Variants in PTPRG observed in about 807,000 individuals in gnomAD.
PTPRG encodes protein tyrosine phosphatase receptor type G.
A neutral mutation model predicts 165.3 loss-of-function variants in PTPRG; 102 were observed. The observed-to-expected ratio is 0.62, with a 90% CI of 0.53 to 0.73. PTPRG has a LOEUF of 0.73. Among genes scored for constraint, PTPRG ranks in the 30% least tolerant of loss-of-function variants. The pLI is 0.00. For synonymous variants in PTPRG, 675 were observed against 669.5 expected, an observed-to-expected ratio of 1.01 and a Z score of -0.13; for missense variants, 1,866 against 1,861.4, an observed-to-expected ratio of 1.00 and a Z score of -0.05.
intron 6 of PTPRG, among the ~76,000 whole-genome samples, chr3:62,156,523 G>C (rs1227188442): frequency 6.6e-6 from 1 of 152,190 alleles, no homozygotes; most frequent in African/African-American, 2.4e-5. Flanking sequence ...TCGATTTGGA[G>C]AGGACTTGGG....
chr3:61,686,759 G>A (rs1478000607), intron 1 of PTPRG, among the ~76,000 whole-genome samples: 1 of 152,196 alleles, frequency 6.6e-6, no homozygotes, highest in Non-Finnish European at 1.5e-5. Context: ...ATGTTTGTCT[G>A]TATATCGAAA....
In PTPRG at chr3:62,255,469, G is replaced by A. The variant is rs1701517302; in HGVS notation, c.2559+254G>A. On this transcript the variant is annotated intron_variant, in intron 16 of 29. Transcript: ENST00000474889. The surrounding 1 kb of genome is among the most constrained non-coding windows in gnomAD (Gnocchi z 4.0). ...CTTAGTGATAGAAAAGAAGCAAACT[G>A]GTAGGGATTGCTTTTCAGGTTCTTG... is the stretch of plus-strand genomic sequence containing the variant. Among the ~76,000 whole-genome samples, 1 of 152,040 alleles carries A rather than the reference G, an allele frequency of 6.6e-6. No homozygotes were observed. The highest frequency in any genetic ancestry group is 2.4e-5 in the African/African-American group (1 of 41,330).
chr3:62,180,896 CT>C (rs1705619177), intron 8 of PTPRG, among the ~76,000 whole-genome samples: 1 of 152,226 alleles, frequency 6.6e-6, no homozygotes, highest in South Asian at 2.1e-4. Context: ...TCTGCCTCTG[CT>C]TTCCCAGATA....
At position 61,774,681 on chromosome 3, in the gene PTPRG, C is replaced by T. The variant is rs184123152; in HGVS notation, c.190+25699C>T. On this transcript the variant is annotated intron_variant, in intron 2 of 29. Coordinates refer to ENST00000474889, the MANE Select transcript of PTPRG (RefSeq NM_002841.4). Reference sequence around the variant, plus strand: ...GTTTTATAATTAGCATCAATATAATCGACTTGAGAGGAATGTTGCATGGAT... The same window carrying T: ...GTTTTATAATTAGCATCAATATAATTGACTTGAGAGGAATGTTGCATGGAT... 3.3e-3 allele frequency among the ~76,000 whole-genome samples: 508 copies of T among 152,252 alleles called. 2 individuals are homozygous for T. Among genetic ancestry groups the T allele is most frequent in the Non-Finnish European group, 5.7e-3 (386 of 68,022 alleles).
At chr3:61,625,550 G>A (rs1267147845) in intron 1 of PTPRG, among the ~76,000 whole-genome samples, 2 of 152,130 alleles carry the variant, frequency 1.3e-5, no homozygotes, top group Non-Finnish European at 2.9e-5. Flanking sequence ...ACTTGGGTGT[G>A]TTTCAAGCCC....
chr3:61,653,388 G>C (rs1702414875), intron 1 of PTPRG, among the ~76,000 whole-genome samples: 1 of 151,808 alleles, frequency 6.6e-6, no homozygotes, highest in African/African-American at 2.4e-5. Flanking sequence ...ATTTTTAGCA[G>C]CTGCAATAGT....
At chr3:61,872,989 G>A (rs1034063524) in intron 2 of PTPRG, among the ~76,000 whole-genome samples, 1 of 152,154 alleles carries the variant, frequency 6.6e-6, no homozygotes, top group Non-Finnish European at 1.5e-5. Flanking sequence ...GCCCATCAGA[G>A]TGTAAGAATG....
chr3:61,750,786 ATTC>A (rs1167486304), intron 2 of PTPRG: 1 of 152,246 alleles, frequency 6.6e-6, no homozygotes, highest in Non-Finnish European at 1.5e-5. Context: ...GTCAGGAAAT[ATTC>A]TTCTTTTGAT....
At chr3:61,998,811 A>G (rs909433647) in intron 3 of PTPRG, among the ~76,000 whole-genome samples, 1 of 152,218 alleles carries the variant, frequency 6.6e-6, no homozygotes, top group Admixed American at 6.5e-5. Context: ...TTCATTCACC[A>G]CATAGACCTT....
intron 10 of PTPRG, among the ~76,000 whole-genome samples, chr3:62,196,156 G>A (rs1400838595): frequency 3.3e-5 from 5 of 151,876 alleles, no homozygotes; most frequent in Non-Finnish European, 5.9e-5. Flanking sequence ...CAGCACTTTG[G>A]GAGGCTGAGG....
At chr3:61,948,007 C>T (rs1310924888) in intron 2 of PTPRG, among the ~76,000 whole-genome samples, 2 of 152,044 alleles carry the variant, frequency 1.3e-5, no homozygotes, top group African/African-American at 4.8e-5. Flanking sequence ...GCACGGAAAA[C>T]ACGTATCCCA....
chr3:61,812,426 A>G (rs1292970807), intron 2 of PTPRG, among the ~76,000 whole-genome samples: 2 of 152,174 alleles, frequency 1.3e-5, no homozygotes, highest in African/African-American at 4.8e-5. Context: ...ATCATTCAAA[A>G]CGGGTATGTA....
chr3:61,753,359 T>C (rs2033517473), intron 2 of PTPRG, among the ~76,000 whole-genome samples: 1 of 152,174 alleles, frequency 6.6e-6, no homozygotes, highest in Non-Finnish European at 1.5e-5. Flanking sequence ...AGTTTAATAG[T>C]ATCTCATTGG....
At chr3:62,191,711 G>A in intron 9 of PTPRG, 58 bp downstream of exon 9, 1 of 1,520,734 alleles carries the variant, frequency 6.6e-7, no homozygotes, top group East Asian at 2.3e-5. Flanking sequence ...TCCTGCTGCA[G>A]CTCTCTGCCA....
intron 4 of PTPRG, among the ~76,000 whole-genome samples, chr3:62,068,238 A>C (rs2106717109): frequency 6.6e-6 from 1 of 152,222 alleles, no homozygotes; most frequent in East Asian, 1.9e-4. Context: ...AACCCTCCTG[A>C]GTGCTTTATG....
intron 2 of PTPRG, among the ~76,000 whole-genome samples, chr3:61,963,931 T>C (rs2040212889): frequency 6.6e-6 from 1 of 152,190 alleles, no homozygotes; most frequent in Admixed American, 6.5e-5. Context: ...GAAATTTTGG[T>C]ATCTGTATTC....
At chr3:61,973,262 T>C (rs1032805866) in intron 2 of PTPRG, among the ~76,000 whole-genome samples, 2 of 152,222 alleles carry the variant, frequency 1.3e-5, no homozygotes, top group Non-Finnish European at 2.9e-5. Context: ...ATTAGAGCAC[T>C]TGTTTTTCAC....
At chr3:61,821,193 C>T (rs760873775) in intron 2 of PTPRG, among the ~76,000 whole-genome samples, 7 of 151,110 alleles carry the variant, frequency 4.6e-5, no homozygotes, top group South Asian at 4.2e-4. Flanking sequence ...TTTTTGAGAC[C>T]GAGTCTGGCT....
At chr3:61,854,142 C>G (rs1256377477) in intron 2 of PTPRG, among the ~76,000 whole-genome samples, 1 of 152,132 alleles carries the variant, frequency 6.6e-6, no homozygotes, top group African/African-American at 2.4e-5. Context: ...GAACAGCAGC[C>G]CTGTGCTGCT....
Sources: gnomAD v4.1 joint callset for allele counts (sites outside exome capture counted in the v4.1 genomes callset) on GRCh38, gnomAD v4.1.1 for gene constraint, Gnocchi (gnomAD v3.1) non-coding constraint, MANE v1.5 for transcripts, NCBI Gene and HGNC (gene_info 2026-07-23, HGNC 2026-07-21) for gene names.